SELE: variants seen among roughly 807,000 people sequenced by gnomAD.
SELE encodes the protein selectin E.
Under a neutral mutation model 75.8 loss-of-function variants are expected in SELE, and 52 were observed. That is an observed-to-expected ratio of 0.69 (90% CI 0.55 to 0.86). The LOEUF (loss-of-function observed/expected upper bound fraction) is 0.86. Among genes scored for constraint, SELE ranks in the 40% least tolerant of loss-of-function variants. SELE has a pLI of 0.00. For synonymous variants in SELE, 285 were observed against 258.7 expected, an observed-to-expected ratio of 1.10 and a Z score of -0.98; for missense variants, 754 against 732.7, an observed-to-expected ratio of 1.03 and a Z score of -0.34.
rs374859278 is a variant in SELE, at chr1:169,730,552, T to C, written c.595A>G (p.Asn199Asp). 16 of 1,614,008 alleles carry C rather than the reference T, an allele frequency of 9.9e-6. No individual in the cohort carries two copies. The African/African-American group carries it at 2.0e-4, about 20-fold the overall frequency. The part of the protein sequence containing the change: ...GSLVCSHPLG[N>D]FSYNSSCSIS... ...GAGCAGGAAGAATTGTAGCTGAAGTTTCCCAGTGGGTGACTGCAAACCAGG... is the reference window on the plus strand; with the variant it reads ...GAGCAGGAAGAATTGTAGCTGAAGTCTCCCAGTGGGTGACTGCAAACCAGG... The change falls in exon 5 of 14, where the codon AAC (asparagine) becomes GAC (aspartate). Residue 199 changes from asparagine (N) to aspartate (D), a missense_variant. Physicochemically the swap from Asn to Asp is conservative, Grantham distance 23. Coordinates refer to ENST00000333360, the MANE Select transcript of SELE (RefSeq NM_000450.2).
intron 9 of SELE, 69 bp downstream of exon 9, chr1:169,727,670 G>T: frequency 1.3e-6 from 2 of 1,554,936 alleles, no homozygotes; most frequent in Admixed American, 3.6e-5. Context: ...CCCCTTTGGG[G>T]CAATCTAGGT....
In SELE at chr1:169,732,720, G is replaced by T. The variant is rs1167338389; in HGVS notation, c.316C>A (p.Gln106Lys). ...ATCTCCACGCAGTCCTCATCTTTTT[G>T]CCTATTGTTGGGTTCACCTGGAGCC... is the stretch of plus-strand genomic sequence containing the variant. ...NWAPGEPNNRQKDEDCVEIYI... is the reference protein window; with the variant it reads ...NWAPGEPNNRKKDEDCVEIYI... The change falls in exon 3 of 14, where the codon CAA becomes AAA. Residue 106 changes from glutamine (Q) to lysine (K), a missense_variant. By Grantham distance (53) the Gln-to-Lys change is moderately conservative. Transcript: ENST00000333360. The T allele has an allele frequency of 1.2e-6, 2 of 1,611,244 alleles. No homozygotes were observed. Among genetic ancestry groups the T allele is most frequent in the East Asian group, 2.2e-5 (1 of 44,712 alleles).
intron 10 of SELE, 96 bp from the exon 11 acceptor site, chr1:169,726,902 C>T (rs1323551403): frequency 1.1e-5 from 9 of 797,700 alleles, no homozygotes; most frequent in Admixed American, 2.3e-5. Flanking sequence ...ACATTCATTA[C>T]TAGGAGCAGA....
At chr1:169,730,691 C>A (rs1033388219) in intron 4 of SELE, 74 bp from the exon 5 acceptor site, 10 of 846,634 alleles carry the variant, frequency 1.2e-5, no homozygotes, top group African/African-American at 8.8e-5. Context: ...ACTAGAACTA[C>A]AGTTTGGTTT....
chr1:169,727,433 G>C lies in SELE; in HGVS notation c.1561C>G (p.Pro521Ala), dbSNP rs1449910125. 6.2e-7 allele frequency: 1 copy of C among 1,614,012 alleles called. No homozygotes were observed. Among genetic ancestry groups the C allele is most frequent in the African/African-American group, 1.3e-5 (1 of 74,910 alleles). The change falls in exon 10 of 14, where the codon CCT becomes GCT. Residue 521 changes from proline (P) to alanine (A), a missense_variant. Coordinates refer to ENST00000333360, the MANE Select transcript of SELE (RefSeq NM_000450.2). ...GAGCCATTGAGCGTCCATCCTTCAG[G>C]ACAGGCGAACTTGCACACAGTGCCA... is the stretch of plus-strand genomic sequence containing the variant. Reference protein sequence around the residue: ...VFGTVCKFACPEGWTLNGSAA... With the variant: ...VFGTVCKFACAEGWTLNGSAA...
rs767592446 is a variant in SELE, at chr1:169,728,238, A to C, written c.1099T>G (p.Cys367Gly). Residue 367 changes from cysteine to glycine, a missense_variant, in exon 8 of 14, where the codon TGC becomes GGC. Cys to Gly is a radical substitution (Grantham distance 159). Transcript: ENST00000333360. ...QQIPVCEAFQ[C>G]TALSNPERGY... is the part of the protein sequence containing the mutation. ...CGCTCGGGGTTGGACAAGGCTGTGC[A>C]CTGGAAAGCTGAGACATCAAAATGA... 23 of 1,613,158 alleles carry C rather than the reference A, an allele frequency of 1.4e-5. No individual in the cohort carries two copies. Among genetic ancestry groups the C allele is most frequent in the Non-Finnish European group, 1.9e-5 (22 of 1,179,694 alleles).
At chr1:169,725,566 CT>C (rs1394114566) in intron 13 of SELE, among the ~76,000 whole-genome samples, 162 bp downstream of exon 13, 1 of 150,758 alleles carries the variant, frequency 6.6e-6, no homozygotes, top group East Asian at 1.9e-4. Context: ...TTTCTTTCCT[CT>C]CCTTCTACAA....
intron 4 of SELE, among the ~76,000 whole-genome samples, 178 bp from the exon 5 acceptor site, chr1:169,730,795 T>C (rs1361408886): frequency 1.3e-5 from 2 of 152,086 alleles, no homozygotes; most frequent in African/African-American, 4.8e-5. Flanking sequence ...AAGAAAATGC[T>C]GATCCATAAC....
Position 169,723,937 on chromosome 1 carries a change from T to C in SELE, c.*588A>G, listed in dbSNP as rs1648685464. The C allele has an allele frequency of 6.6e-6, 1 of 152,254 alleles. No individual in the cohort carries two copies. The highest frequency in any genetic ancestry group is 6.5e-5 in the Admixed American group (1 of 15,294). 9.4% of individuals were successfully genotyped at this position (152,254 alleles called of 1,614,324 possible). A position where few individuals can be genotyped will look rare whatever the true frequency, so the allele number is the denominator to read the frequency against. ...TCCCATAGGGATGAAAGTGATTAAA[T>C]TGTGCATAGTAACCCTCGCACAGAG... is the stretch of plus-strand genomic sequence containing the variant. On this transcript the variant is annotated 3_prime_UTR_variant, in exon 14 of 14. Transcript: ENST00000333360.
chr1:169,729,476 G>T lies in SELE; in HGVS notation c.901+12C>A. ...AATGTTCACAGTAAGTCTCCATGTG[G>T]AACAACTCTACCTTTACACGTTGGC... On this transcript the variant is annotated intron_variant, in intron 6 of 13. Transcript: ENST00000333360. 6.2e-7 allele frequency: 1 copy of T among 1,613,154 alleles called. No individual in the cohort carries two copies. Among genetic ancestry groups the T allele is most frequent in the Non-Finnish European group, 8.5e-7 (1 of 1,179,340 alleles).
intron 11 of SELE, 129 bp downstream of exon 11, chr1:169,726,570 G>T: frequency 1.4e-6 from 1 of 714,728 alleles, no homozygotes; most frequent in Non-Finnish European, 2.4e-6. Context: ...TAATACTTCT[G>T]CTTAATTATA....
rs922488931 is a variant in SELE at position 169,727,483 on chromosome 1, A to C, written c.1511T>G (p.Met504Arg). 1 of 1,614,168 alleles carries C rather than the reference A, an allele frequency of 6.2e-7. No homozygotes were observed. The highest frequency in any genetic ancestry group is 2.2e-5 in the East Asian group (1 of 44,876). The change falls in exon 10 of 14, where the codon ATG becomes AGG. Residue 504 changes from methionine to arginine, a missense_variant. By Grantham distance (91) the Met-to-Arg change is moderately conservative. Transcript: ENST00000333360. Reference sequence around the variant, plus strand: ...AAACACGGGCTCCCCACTGCAGCTCATGTTGATCTTTCCCGGAACTGCCAG... The same window carrying C: ...AAACACGGGCTCCCCACTGCAGCTCCTGTTGATCTTTCCCGGAACTGCCAG... ...SSLAVPGKIN[M>R]SCSGEPVFGT...
At chr1:169,724,701 A>G (rs1301229756) in intron 13 of SELE, among the ~76,000 whole-genome samples, 192 bp from the exon 14 acceptor site, 2 of 152,228 alleles carry the variant, frequency 1.3e-5, no homozygotes, top group African/African-American at 4.8e-5. Context: ...TATACAACAC[A>G]GCACAGAGTG....
chr1:169,725,608 A>T, intron 13 of SELE, 121 bp downstream of exon 13: 1 of 711,374 alleles, frequency 1.4e-6, no homozygotes, highest in East Asian at 2.6e-5. Context: ...AACAATACCC[A>T]GGTGATGATT....
At chr1:169,731,447 A>G (rs1648909450) in intron 4 of SELE, 1 of 171,252 alleles carries the variant, frequency 5.8e-6, no homozygotes, top group South Asian at 1.4e-4. Flanking sequence ...TAACTCACTC[A>G]TTTCTACTGC....
rs759220052 is a variant in SELE at position 169,728,214 on chromosome 1, G to A, written c.1123C>T (p.Arg375Ter). 25 of 1,613,904 alleles carry A rather than the reference G, an allele frequency of 1.5e-5. No homozygotes were observed. The highest frequency in any genetic ancestry group is 1.9e-5 in the Non-Finnish European group (23 of 1,179,980). The change falls in exon 8 of 14, where the codon CGA becomes TGA. Residue 375 changes from arginine (R) to a stop codon, truncating the protein, a stop_gained. Transcript: ENST00000333360. LOFTEE classifies it high-confidence loss of function. The stretch of plus-strand genomic sequence containing the variant: ...CTAGGAAGACAATTCATGTAGCCTC[G>A]CTCGGGGTTGGACAAGGCTGTGCAC... ...FQCTALSNPE[R>*]GYMNCLPSAS...
chr1:169,726,019 A>T (rs1648754584), intron 11 of SELE, 91 bp from the exon 12 acceptor site: 1 of 1,456,340 alleles, frequency 6.9e-7, no homozygotes, highest in Non-Finnish European at 9.6e-7. Flanking sequence ...TAATTCATCA[A>T]GTGTTGCAAA....
At chr1:169,730,312 T>C in intron 5 of SELE, 120 bp downstream of exon 5, 1 of 945,272 alleles carries the variant, frequency 1.1e-6, no homozygotes, top group Non-Finnish European at 1.5e-6. Context: ...ACAAATTGTA[T>C]TAAAAACAAA....
rs1338660041 is a variant in SELE, at chr1:169,730,613, C to T, written c.534G>A (p.Val178=). The change falls in exon 5 of 14, where the codon GTG becomes GTA. Residue 178 remains valine, a synonymous_variant. Coordinates refer to ENST00000333360, the MANE Select transcript of SELE (RefSeq NM_000450.2). ...CAGGGGATTCCAGGGCTGTACAGTT[C>T]ACAACTGAAAAAGAAACCCAAATCA... ...GFSGLKCEQI[V]NCTALESPEH... is the part of the protein sequence containing the mutation. The T allele has an allele frequency of 1.9e-6, 3 of 1,599,570 alleles. No individual in the cohort carries two copies. The African/African-American group carries it at 4.0e-5, about 21-fold the overall frequency.
Sources: gnomAD v4.1 joint callset for allele counts (sites outside exome capture counted in the v4.1 genomes callset) on GRCh38, gnomAD v4.1.1 for gene constraint, MANE v1.5 for transcripts, NCBI Gene and HGNC (gene_info 2026-07-23, HGNC 2026-07-21) for gene names.